Variants in TMEM135 observed in about 807,000 individuals in gnomAD.
TMEM135 encodes transmembrane protein 135.
A neutral mutation model predicts 60.3 loss-of-function variants in TMEM135; 30 were observed. The observed-to-expected ratio is 0.50, with a 90% CI of 0.37 to 0.68. The LOEUF is 0.68. Ranked by LOEUF, TMEM135 falls within the 30% of genes least tolerant of loss-of-function variation. TMEM135 has a pLI of 0.00. For synonymous variants in TMEM135, 190 were observed against 186.7 expected, an observed-to-expected ratio of 1.02 and a Z score of -0.14; for missense variants, 468 against 548.8, an observed-to-expected ratio of 0.85 and a Z score of 1.47.
chr11:87,172,022 GTACATC>G (rs1485895271), intron 5 of TMEM135, among the ~76,000 whole-genome samples: 5 of 152,152 alleles, frequency 3.3e-5, no homozygotes. Flanking sequence ...ACCAGTACCT[GTACATC>G]TCCCAGGGGT....
At position 87,242,314 on chromosome 11, in the gene TMEM135, A is replaced by C. The variant is rs574552983; in HGVS notation, c.509+5630A>C. Among the ~76,000 whole-genome samples, 70 of 151,870 alleles carry C rather than the reference A, an allele frequency of 4.6e-4. 1 individual carries two copies. In the Middle Eastern group the frequency reaches 0.024, roughly 52 times the overall value. On this transcript the variant is annotated intron_variant, in intron 6 of 14. Transcript: ENST00000305494. ...GTGAATAGTGCCGCAATAAACATAC[A>C]CGTGCATGTGTCTTTATAGCAGCAT...
chr11:87,326,894 T>C lies in TMEM135; in HGVS notation c.*5561T>C, dbSNP rs997395837. ...TAAATCTATGAAACTAGAGGCATCA[T>C]TGAATCATCTGAGGACCTTTTTTTT... On this transcript the variant is annotated 3_prime_UTR_variant, in exon 15 of 15. Coordinates refer to ENST00000305494, the MANE Select transcript of TMEM135 (RefSeq NM_022918.4). The C allele has an allele frequency of 4.5e-6, 2 of 447,558 alleles. No homozygotes were observed. Among genetic ancestry groups the C allele is most frequent in the Non-Finnish European group, 8.9e-6 (2 of 225,596 alleles). 27.7% of individuals were successfully genotyped at this position (447,558 alleles called of 1,614,324 possible).
intron 4 of TMEM135, among the ~76,000 whole-genome samples, chr11:87,110,093 T>A (rs1008792191): frequency 6.6e-6 from 1 of 152,164 alleles, no homozygotes; most frequent in African/African-American, 2.4e-5. Flanking sequence ...AGCAATCATT[T>A]ATGACCTGAG....
rs1856774230 is a variant in TMEM135, at chr11:87,071,620, A to T, written c.362+5A>T. The T allele has an allele frequency of 1.2e-6, 2 of 1,611,848 alleles. No individual in the cohort carries two copies. Among genetic ancestry groups the T allele is most frequent in the African/African-American group, 2.7e-5 (2 of 74,738 alleles). The stretch of plus-strand genomic sequence containing the variant: ...TCTCATTGAAAGAAAAAGCAGGTAA[A>T]ATTTCATATATTTATTTAACGGAAC... On this transcript the variant is annotated splice_donor_5th_base_variant and intron_variant, in intron 3 of 14. Transcript: ENST00000305494.
At chr11:87,215,877 C>G (rs1940489293) in intron 5 of TMEM135, among the ~76,000 whole-genome samples, 1 of 152,176 alleles carries the variant, frequency 6.6e-6, no homozygotes, top group South Asian at 2.1e-4. Context: ...TTTTCCCTCT[C>G]CCTTCTATGC....
chr11:87,324,416 G>C lies in TMEM135; in HGVS notation c.*3083G>C, dbSNP rs112021061. On this transcript the variant is annotated 3_prime_UTR_variant, in exon 15 of 15. Transcript: ENST00000305494. ...AGCCCAGAGATTCCTTAAATTCTCC[G>C]TGTGATTTATTTTTTTATTTTTTGA... 2 of 453,792 alleles carry C rather than the reference G, an allele frequency of 4.4e-6. No homozygotes were observed. Among genetic ancestry groups the C allele is most frequent in the Non-Finnish European group, 4.4e-6 (1 of 226,704 alleles). The allele number at this position is 453,792 out of a possible 1,614,324, so 28.1% of individuals were successfully genotyped here.
chr11:87,226,676 T>C (rs555714000), intron 5 of TMEM135, among the ~76,000 whole-genome samples: 1 of 152,322 alleles, frequency 6.6e-6, no homozygotes, highest in African/African-American at 2.4e-5. Context: ...CACTCTAACA[T>C]ATCTGCTTCT....
At chr11:87,198,473 G>C (rs1278075804) in intron 5 of TMEM135, among the ~76,000 whole-genome samples, 2 of 151,928 alleles carry the variant, frequency 1.3e-5, no homozygotes, top group African/African-American at 4.8e-5. Flanking sequence ...TGTTGTCTGA[G>C]GTTGTTTTTT....
intron 5 of TMEM135, among the ~76,000 whole-genome samples, chr11:87,236,361 T>TA (rs1283369830): frequency 2.6e-5 from 4 of 151,092 alleles, no homozygotes; most frequent in Non-Finnish European, 4.4e-5. Context: ...GTTGATGAAC[T>TA]AAAAAAAAAT....
At chr11:87,283,446 A>G (rs1942105416) in intron 6 of TMEM135, among the ~76,000 whole-genome samples, 1 of 152,244 alleles carries the variant, frequency 6.6e-6, no homozygotes, top group Non-Finnish European at 1.5e-5. Flanking sequence ...GTATCAAATA[A>G]GCATAAATTT....
intron 2 of TMEM135, among the ~76,000 whole-genome samples, chr11:87,068,825 A>C (rs889693550): frequency 3.8e-4 from 55 of 146,400 alleles, no homozygotes; most frequent in African/African-American, 1.4e-3. Flanking sequence ...AAAAAAAAAA[A>C]GTGTAATTTC....
chr11:87,113,196 A>T (rs1024220720), intron 4 of TMEM135, among the ~76,000 whole-genome samples: 1 of 152,110 alleles, frequency 6.6e-6, no homozygotes, highest in African/African-American at 2.4e-5. Context: ...GATAGTTCAC[A>T]TTGTAATTTC....
intron 5 of TMEM135, among the ~76,000 whole-genome samples, chr11:87,165,786 G>A (rs4514446): frequency 0.36 from 54,078 of 148,588 alleles, 10,723 homozygotes; most frequent in East Asian, 0.66. Flanking sequence ...CCTTCAAAAA[G>A]TAAATGAATC....
Position 87,325,914 on chromosome 11 carries a change from T to G in TMEM135, c.*4581T>G. ...TTTTTCCATCTGTCCCTCCTACGAA[T>G]ATGTTTTACATGAAATAATGTATTG... On this transcript the variant is annotated 3_prime_UTR_variant, in exon 15 of 15. Transcript: ENST00000305494. 2.2e-6 allele frequency: 1 copy of G among 454,032 alleles called. No individual in the cohort carries two copies. Among genetic ancestry groups the G allele is most frequent in the Non-Finnish European group, 4.4e-6 (1 of 226,764 alleles). The allele number at this position is 454,032 out of a possible 1,614,324, so 28.1% of individuals were successfully genotyped here.
intron 6 of TMEM135, among the ~76,000 whole-genome samples, chr11:87,250,707 T>A (rs1941397470): frequency 1.3e-5 from 2 of 152,122 alleles, no homozygotes; most frequent in East Asian, 1.9e-4. Context: ...AGGTTCTTTT[T>A]AAAAAAATAT....
At position 87,195,375 on chromosome 11, in the gene TMEM135, TTCCTTCCTTCCTTCCTTCTC is replaced by T. The variant is rs1939921483; in HGVS notation, c.462+37972_462+37991del. Among the ~76,000 whole-genome samples, 4 of 109,636 alleles carry T rather than the reference TTCCTTCCTTCCTTCCTTCTC, an allele frequency of 3.6e-5. 1 individual carries two copies. Among genetic ancestry groups the T allele is most frequent in the African/African-American group, 7.2e-5 (2 of 27,764 alleles). 71.9% of individuals were successfully genotyped at this position (109,636 alleles called of 152,430 possible). ...CTTCCTTCCTTCCTTCCTTCCTTCCTTCCTTCCTTCCTTCCTTCTCTCTCTCTCTCTCTCTGTTTCTCTCT... is the reference window on the plus strand; with the variant it reads ...CTTCCTTCCTTCCTTCCTTCCTTCCTTCTCTCTCTCTCTCTGTTTCTCTCT... On this transcript the variant is annotated intron_variant, in intron 5 of 14. Coordinates refer to ENST00000305494, the MANE Select transcript of TMEM135 (RefSeq NM_022918.4).
At chr11:87,229,876 A>T (rs1565494228) in intron 5 of TMEM135, among the ~76,000 whole-genome samples, 2 of 152,068 alleles carry the variant, frequency 1.3e-5, no homozygotes, top group African/African-American at 4.8e-5. Flanking sequence ...TTCTGTTTGA[A>T]TTTTTGTTTT....
intron 1 of TMEM135, among the ~76,000 whole-genome samples, chr11:87,054,208 G>T (rs984566310): frequency 4.6e-5 from 7 of 152,158 alleles, no homozygotes; most frequent in African/African-American, 1.7e-4. Context: ...GCCAAGGTGG[G>T]CAGATCACCT....
chr11:87,187,219 T>C (rs1430326462), intron 5 of TMEM135, among the ~76,000 whole-genome samples: 2 of 152,186 alleles, frequency 1.3e-5, no homozygotes, highest in Non-Finnish European at 2.9e-5. Context: ...TAGCTTGAAC[T>C]TATGTGCCAG....
Sources: allele counts gnomAD v4.1 joint callset (sites outside exome capture counted in the v4.1 genomes callset), GRCh38; gene constraint gnomAD v4.1.1; transcripts MANE v1.5; gene names NCBI Gene and HGNC (gene_info 2026-07-23, HGNC 2026-07-21).